GNA14: variants seen among roughly 807,000 people sequenced by gnomAD.
GNA14 encodes the protein guanine nucleotide-binding protein subunit alpha-14.
In GNA14, 50 loss-of-function variants were observed where a neutral mutation model predicts 42.0. The observed-to-expected ratio is 1.19, with a 90% CI of 0.95 to 1.51. GNA14 has a LOEUF of 1.51. Ranked by LOEUF, GNA14 falls within the 40% of genes most tolerant of loss-of-function variation. The pLI is 0.00. For missense variants in GNA14, 473 were observed against 446.2 expected (o/e 1.06, Z -0.54); for synonymous variants, 173 against 163.1 (o/e 1.06, Z -0.46).
chr9:77,484,605 T>C (rs1836623922), intron 2 of GNA14, among the ~76,000 whole-genome samples: 1 of 152,188 alleles, frequency 6.6e-6, no homozygotes, highest in South Asian at 2.1e-4. Context: ...CTGCTCTTTT[T>C]CATTTTATAT....
rs1288971420 is a variant in GNA14 at position 77,538,411 on chromosome 9, C to CA, written c.125-9159dup. On this transcript the variant is annotated intron_variant, in intron 1 of 6. Transcript: ENST00000341700. ...TCAGGATTGCTTTGCTTTGGCTATTCAGGCTCTTTTTTGCTTCCACATGAA... is the reference window on the plus strand; with the variant it reads ...TCAGGATTGCTTTGCTTTGGCTATTCAAGGCTCTTTTTTGCTTCCACATGAA... Among the ~76,000 whole-genome samples, 14 of 152,164 alleles carry CA rather than the reference C, an allele frequency of 9.2e-5. No individual in the cohort carries two copies. In the East Asian group the frequency reaches 1.7e-3, roughly 19 times the overall value.
intron 2 of GNA14, among the ~76,000 whole-genome samples, chr9:77,490,049 G>C (rs111552177): frequency 2.0e-5 from 3 of 152,006 alleles, no homozygotes; most frequent in Admixed American, 6.6e-5. Flanking sequence ...GGTTCTCCAC[G>C]TCCCCACCAG....
chr9:77,577,963 T>C (rs575308694), intron 1 of GNA14, among the ~76,000 whole-genome samples: 57 of 152,204 alleles, frequency 3.7e-4, no homozygotes, highest in African/African-American at 1.3e-3. Flanking sequence ...CCATGAATGA[T>C]CATGGCAACA....
At chr9:77,429,081 C>A (rs1587754409) in intron 4 of GNA14, 45 bp from the exon 5 acceptor site, 1 of 1,597,458 alleles carries the variant, frequency 6.3e-7, no homozygotes, top group Non-Finnish European at 8.6e-7. Flanking sequence ...GAATACATGA[C>A]ACTTCGGGGA....
chr9:77,494,771 T>TTTTTGTTTTGTTTTG (rs143044675), intron 2 of GNA14, among the ~76,000 whole-genome samples: 2 of 150,064 alleles, frequency 1.3e-5, no homozygotes, highest in South Asian at 4.3e-4. Context: ...AGTTGTGGGG[T>TTTTTGTTTTGTTTTG]TTTTGTTTTG....
At chr9:77,619,352 G>A (rs1225100444) in intron 1 of GNA14, among the ~76,000 whole-genome samples, 1 of 152,064 alleles carries the variant, frequency 6.6e-6, no homozygotes, top group Non-Finnish European at 1.5e-5. Flanking sequence ...GACTACAGGC[G>A]CGTGTCATCC....
intron 1 of GNA14, among the ~76,000 whole-genome samples, chr9:77,633,894 CA>C (rs146353957): frequency 0.036 from 5,470 of 152,254 alleles, 126 homozygotes; most frequent in Non-Finnish European, 0.055. Flanking sequence ...TAAATGAAAT[CA>C]CTGATTAAAG....
intron 1 of GNA14, among the ~76,000 whole-genome samples, chr9:77,560,476 T>C (rs114315502): frequency 3.3e-5 from 5 of 151,890 alleles, no homozygotes; most frequent in African/African-American, 1.2e-4. Flanking sequence ...TTTTTGTTTG[T>C]TTGTTTGGTT....
At chr9:77,628,099 T>C (rs1017193068) in intron 1 of GNA14, among the ~76,000 whole-genome samples, 2 of 152,130 alleles carry the variant, frequency 1.3e-5, no homozygotes, top group East Asian at 3.9e-4. Flanking sequence ...ATACCAATAA[T>C]AGACACACAG....
At chr9:77,582,970 G>T (rs1405746912) in intron 1 of GNA14, among the ~76,000 whole-genome samples, 1 of 152,198 alleles carries the variant, frequency 6.6e-6, no homozygotes, top group Non-Finnish European at 1.5e-5. Context: ...TTTCACACCT[G>T]TACCCAGCTA....
At chr9:77,574,173 T>C (rs1179125551) in intron 1 of GNA14, among the ~76,000 whole-genome samples, 1 of 152,108 alleles carries the variant, frequency 6.6e-6, no homozygotes, top group Non-Finnish European at 1.5e-5. Flanking sequence ...AGAGAGGACC[T>C]ACAGGAAACA....
intron 2 of GNA14, among the ~76,000 whole-genome samples, chr9:77,443,386 C>T (rs1835766757): frequency 6.6e-6 from 1 of 152,148 alleles, no homozygotes; most frequent in Non-Finnish European, 1.5e-5. Context: ...CTAAGCTCAG[C>T]AGGGACTCAC....
chr9:77,640,108 T>C (rs1824235104), intron 1 of GNA14, among the ~76,000 whole-genome samples: 1 of 152,186 alleles, frequency 6.6e-6, no homozygotes, highest in Admixed American at 6.5e-5. Flanking sequence ...AACCTGGCTA[T>C]AAAGGTCTGC....
intron 1 of GNA14, among the ~76,000 whole-genome samples, chr9:77,578,069 C>T (rs968326154): frequency 6.8e-6 from 1 of 147,308 alleles, no homozygotes; most frequent in African/African-American, 2.7e-5. Flanking sequence ...AGATCGAGAC[C>T]ATCCTAGCCA....
At chr9:77,445,243 T>C (rs552348451) in intron 2 of GNA14, among the ~76,000 whole-genome samples, 2 of 152,164 alleles carry the variant, frequency 1.3e-5, no homozygotes, top group Non-Finnish European at 2.9e-5. Context: ...CAGACCAGCC[T>C]TTGCTACATC....
At chr9:77,644,686 G>A (rs1373681571) in intron 1 of GNA14, among the ~76,000 whole-genome samples, 2 of 142,208 alleles carry the variant, frequency 1.4e-5, no homozygotes, top group Non-Finnish European at 3.0e-5. Flanking sequence ...AACTAATTCA[G>A]CCATATCTGT....
intron 1 of GNA14, among the ~76,000 whole-genome samples, chr9:77,611,147 T>C (rs570621277): frequency 1.3e-5 from 2 of 152,180 alleles, no homozygotes; most frequent in Non-Finnish European, 2.9e-5. Flanking sequence ...GTAGCCAAGA[T>C]AGTGGCTATC....
intron 1 of GNA14, among the ~76,000 whole-genome samples, chr9:77,554,481 G>A (rs577977780): frequency 6.6e-6 from 1 of 152,280 alleles, no homozygotes; most frequent in Non-Finnish European, 1.5e-5. Context: ...TTGACTGTTA[G>A]CAAGAACAGG....
intron 1 of GNA14, among the ~76,000 whole-genome samples, chr9:77,574,065 G>A (rs1823097247): frequency 6.6e-6 from 1 of 152,148 alleles, no homozygotes; most frequent in Non-Finnish European, 1.5e-5. Context: ...AGTACTGTGG[G>A]AAGTTGAGGA....
Sources: gnomAD v4.1 joint callset for allele counts (sites outside exome capture counted in the v4.1 genomes callset) on GRCh38, gnomAD v4.1.1 for gene constraint, MANE v1.5 for transcripts, NCBI Gene and HGNC (gene_info 2026-07-23, HGNC 2026-07-21) for gene names.